The following AGBL1 variants were observed in gnomAD, a reference collection of about 807,000 sequenced individuals.
AGBL1 encodes cytosolic carboxypeptidase 4.
A neutral mutation model predicts 118.9 loss-of-function variants in AGBL1; 130 were observed. That is an observed-to-expected ratio of 1.09 (90% CI 0.95 to 1.26). The LOEUF (loss-of-function observed/expected upper bound fraction) is 1.26. Among genes scored for constraint, AGBL1 ranks in the 50% most tolerant of loss-of-function variants. The pLI is 0.00. For missense variants in AGBL1, 1,584 were observed against 1,298.1 expected (o/e 1.22, Z -3.38); for synonymous variants, 555 against 478.9 (o/e 1.16, Z -2.08).
At chr15:86,275,059 C>A (rs1448821425) in intron 15 of AGBL1, among the ~76,000 whole-genome samples, 1 of 152,028 alleles carries the variant, frequency 6.6e-6, no homozygotes, top group African/African-American at 2.4e-5. Context: ...AGCAAGGGCC[C>A]TTTTAGTTTC....
chr15:86,982,420 A>G (rs1179823838), intron 23 of AGBL1, among the ~76,000 whole-genome samples: 1 of 149,942 alleles, frequency 6.7e-6, no homozygotes, highest in Non-Finnish European at 1.5e-5. Context: ...TTTTTTTGCT[A>G]TTATAAACAT....
chr15:86,341,507 A>G (rs909881824), intron 17 of AGBL1, among the ~76,000 whole-genome samples: 1 of 152,134 alleles, frequency 6.6e-6, no homozygotes, highest in Non-Finnish European at 1.5e-5. Context: ...CAGGGATTTT[A>G]GCTGTACTTA....
At chr15:86,082,184 A>G (rs1352478547) in intron 1 of AGBL1, among the ~76,000 whole-genome samples, 1 of 152,238 alleles carries the variant, frequency 6.6e-6, no homozygotes, top group African/African-American at 2.4e-5. Context: ...AGAACCCAGA[A>G]CATATATTCT....
At chr15:86,435,936 A>G (rs1291330919) in intron 18 of AGBL1, among the ~76,000 whole-genome samples, 2 of 152,218 alleles carry the variant, frequency 1.3e-5, no homozygotes, top group Non-Finnish European at 2.9e-5. Flanking sequence ...ATTATTAACA[A>G]CTATCATTAA....
chr15:86,759,394 G>C (rs976341747), intron 22 of AGBL1, among the ~76,000 whole-genome samples: 4 of 152,010 alleles, frequency 2.6e-5, no homozygotes, highest in African/African-American at 9.7e-5. Flanking sequence ...TTGTATAATA[G>C]AAGTAATAAC....
intron 22 of AGBL1, among the ~76,000 whole-genome samples, chr15:86,739,531 C>A (rs1481497531): frequency 7.0e-6 from 1 of 141,896 alleles, no homozygotes; most frequent in Non-Finnish European, 1.5e-5. Flanking sequence ...TCGGGGGGAG[C>A]AAGAAATTAG....
intron 18 of AGBL1, among the ~76,000 whole-genome samples, chr15:86,429,167 G>C (rs2081902774): frequency 6.6e-6 from 1 of 152,228 alleles, no homozygotes; most frequent in African/African-American, 2.4e-5. Flanking sequence ...AGCAAGTAGA[G>C]TGCTCTCTCT....
In AGBL1 at chr15:86,708,397, G is replaced by A. The variant is rs569441887; in HGVS notation, c.3158+33961G>A. 3.9e-5 allele frequency among the ~76,000 whole-genome samples: 6 copies of A among 152,116 alleles called. No homozygotes were observed. In the South Asian group the frequency reaches 1.2e-3, roughly 32 times the overall value. On this transcript the variant is annotated intron_variant, in intron 22 of 22. Transcript: ENST00000614907. ...GGACACAGTGAGAAGGTGGCCATCT[G>A]CAAGTCAGGAAAATAGCCCTCACCA...
chr15:86,435,661 T>C (rs1397234516), intron 18 of AGBL1, among the ~76,000 whole-genome samples: 1 of 152,202 alleles, frequency 6.6e-6, no homozygotes, highest in Admixed American at 6.5e-5. Context: ...TAGTGTAGTA[T>C]ATAGGTGAAG....
chr15:86,560,118 A>G (rs888129222), intron 21 of AGBL1, among the ~76,000 whole-genome samples: 1 of 151,828 alleles, frequency 6.6e-6, no homozygotes, highest in Admixed American at 6.6e-5. Flanking sequence ...TAAAAATTTT[A>G]TGCAATTTTT....
chr15:86,522,790 C>A lies in AGBL1; in HGVS notation c.2556-20C>A. 1 of 1,611,890 alleles carries A rather than the reference C, an allele frequency of 6.2e-7. No individual in the cohort carries two copies. Among genetic ancestry groups the A allele is most frequent in the Non-Finnish European group, 8.5e-7 (1 of 1,178,516 alleles). On this transcript the variant is annotated intron_variant, in intron 18 of 22. Coordinates refer to ENST00000614907, the MANE Select transcript of AGBL1 (RefSeq NM_001386094.1). ...TTTCTTCTGAATGTGTATTTATTTG[C>A]TTATTATTTGTTCCTGTAGCCACAG...
chr15:86,729,437 C>G (rs1239396144), intron 22 of AGBL1, among the ~76,000 whole-genome samples: 1 of 152,144 alleles, frequency 6.6e-6, no homozygotes, highest in Admixed American at 6.5e-5. Context: ...CTGCTTTCCC[C>G]ACTTTAGTAG....
intron 17 of AGBL1, among the ~76,000 whole-genome samples, chr15:86,353,131 T>C (rs1352449075): frequency 6.6e-6 from 1 of 152,248 alleles, no homozygotes; most frequent in Non-Finnish European, 1.5e-5. Flanking sequence ...TTAGTTTTCC[T>C]TGGTCCAACA....
At chr15:86,394,471 T>C (rs1437825845) in intron 17 of AGBL1, among the ~76,000 whole-genome samples, 4 of 152,148 alleles carry the variant, frequency 2.6e-5, no homozygotes, top group Non-Finnish European at 5.9e-5. Flanking sequence ...TTCAAGGTAA[T>C]ATTATTATAA....
At chr15:86,715,648 G>C (rs566569899) in intron 22 of AGBL1, among the ~76,000 whole-genome samples, 2 of 152,302 alleles carry the variant, frequency 1.3e-5, no homozygotes, top group South Asian at 4.1e-4. Context: ...TTATCTGCAA[G>C]ATTGTGTTAC....
chr15:86,753,932 C>A (rs1410932409), intron 22 of AGBL1, among the ~76,000 whole-genome samples: 1 of 152,034 alleles, frequency 6.6e-6, no homozygotes, highest in Non-Finnish European at 1.5e-5. Flanking sequence ...AGAGTAGGGC[C>A]ACTGTACTTC....
chr15:86,131,965 T>A (rs72750273), intron 1 of AGBL1, among the ~76,000 whole-genome samples: 3,454 of 142,198 alleles, frequency 0.024, 70 homozygotes, highest in Non-Finnish European at 0.034. Context: ...AAAAAAAAAA[T>A]CATAACGTTG....
chr15:86,714,505 C>G (rs1290236633), intron 22 of AGBL1, among the ~76,000 whole-genome samples: 2 of 152,140 alleles, frequency 1.3e-5, no homozygotes, highest in East Asian at 1.9e-4. Context: ...TGCAGATAAT[C>G]AGGAGCCTGA....
chr15:86,284,168 C>CATATTT (rs1469250969), intron 16 of AGBL1, among the ~76,000 whole-genome samples: 13 of 143,040 alleles, frequency 9.1e-5, no homozygotes, highest in African/African-American at 3.4e-4. Flanking sequence ...ATACCCGTTC[C>CATATTT]ATAATTCATA....
Sources: allele counts gnomAD v4.1 joint callset (sites outside exome capture counted in the v4.1 genomes callset), GRCh38; gene constraint gnomAD v4.1.1; transcripts MANE v1.5; gene names NCBI Gene and HGNC (gene_info 2026-07-23, HGNC 2026-07-21).